The following AGAP9 variants were observed in gnomAD, a reference collection of about 807,000 sequenced individuals.
AGAP9 encodes the protein ArfGAP with GTPase domain, ankyrin repeat and PH domain 9.
A neutral mutation model predicts 55.6 loss-of-function variants in AGAP9; 23 were observed. The observed-to-expected ratio is 0.41, with a 90% CI of 0.30 to 0.59. AGAP9 has a LOEUF of 0.59. AGAP9 is among the 20% of genes least tolerant of loss of function. The pLI, the probability that AGAP9 is intolerant of heterozygous loss-of-function variation, is 0.25. For synonymous variants in AGAP9, 120 were observed against 305.0 expected, an observed-to-expected ratio of 0.39 and a Z score of 6.32; for missense variants, 309 against 808.1, an observed-to-expected ratio of 0.38 and a Z score of 7.49.
intron 2 of AGAP9, among the ~76,000 whole-genome samples, chr10:47,521,460 A>T (rs1840834548): frequency 7.1e-6 from 1 of 140,058 alleles, no homozygotes; most frequent in East Asian, 2.8e-4. Flanking sequence ...ATGAGTCTTA[A>T]TTATCCTACC....
intron 4 of AGAP9, among the ~76,000 whole-genome samples, chr10:47,511,371 T>C (rs1416127558): frequency 7.1e-6 from 1 of 141,000 alleles, no homozygotes. Context: ...TTATTTCAGG[T>C]GATATTGTTA....
Position 47,514,113 on chromosome 10 carries a change from C to T in AGAP9, c.396+3710G>A, listed in dbSNP as rs1272784596. ...CAACCACAGAGTGGGAGGAAATCTT[C>T]GCAGTCTATACATCTGACAAAGGGC... On this transcript the variant is annotated intron_variant, in intron 4 of 7. Transcript: ENST00000452145. Among the ~76,000 whole-genome samples the T allele has an allele frequency of 5.5e-4, 77 of 140,630 alleles. 7 individuals are homozygous for T. Among genetic ancestry groups the T allele is most frequent in the African/African-American group, 1.9e-3 (74 of 38,568 alleles). The allele number at this position is 140,630 out of a possible 152,430, so 92.3% of individuals were successfully genotyped here.
intron 7 of AGAP9, among the ~76,000 whole-genome samples, 198 bp from the exon 8 acceptor site, chr10:47,503,741 T>C (rs1588946143): frequency 8.3e-6 from 1 of 120,478 alleles, no homozygotes; most frequent in Non-Finnish European, 1.7e-5. Context: ...CTGGCCAACA[T>C]GGTGAAACCC....
At chr10:47,517,208 ATTAAC>A (rs1486230124) in intron 4 of AGAP9, among the ~76,000 whole-genome samples, 2 of 101,872 alleles carry the variant, frequency 2.0e-5, no homozygotes, top group Non-Finnish European at 3.8e-5. Context: ...AGTGCTGGCA[ATTAAC>A]TTAACTATTC....
chr10:47,507,681 C>T lies in AGAP9; in HGVS notation c.498-98G>A. ...GGGCAGAGGAAACTCTCCTAGCGGC[C>T]CTGAAATTCAAATCTTCTAGTTCAG... On this transcript the variant is annotated intron_variant, in intron 5 of 7. Coordinates refer to ENST00000452145, the MANE Select transcript of AGAP9 (RefSeq NM_001190810.1). The T allele has an allele frequency of 2.9e-6, 4 of 1,376,356 alleles. 1 individual carries two copies. Among genetic ancestry groups the T allele is most frequent in the African/African-American group, 3.2e-5 (2 of 63,108 alleles). The allele number at this position is 1,376,356 out of a possible 1,614,324, so 85.3% of individuals were successfully genotyped here.
chr10:47,513,623 C>G (rs1377657927), intron 4 of AGAP9, among the ~76,000 whole-genome samples: 1 of 140,008 alleles, frequency 7.1e-6, no homozygotes, highest in Non-Finnish European at 1.6e-5. Context: ...ATGACATTAC[C>G]TGATTTCAAA....
intron 7 of AGAP9, among the ~76,000 whole-genome samples, 157 bp from the exon 8 acceptor site, chr10:47,503,700 T>G: frequency 1.7e-5 from 2 of 115,870 alleles, no homozygotes; most frequent in Non-Finnish European, 3.4e-5. Context: ...CCAAGGTGGG[T>G]GGATCACGAG....
At chr10:47,508,133 C>T (rs1291269764) in intron 5 of AGAP9, among the ~76,000 whole-genome samples, 8 of 113,610 alleles carry the variant, frequency 7.0e-5, no homozygotes, top group Non-Finnish European at 1.4e-4. Flanking sequence ...GGTGTGATCT[C>T]GGCTCACCAC....
chr10:47,514,559 C>G (rs1840694147), intron 4 of AGAP9, among the ~76,000 whole-genome samples: 1 of 91,098 alleles, frequency 1.1e-5, no homozygotes. Flanking sequence ...CAAATCATCA[C>G]TAAAGAACTT....
At chr10:47,518,745 C>G (rs1441627471) in intron 3 of AGAP9, among the ~76,000 whole-genome samples, 2 of 133,574 alleles carry the variant, frequency 1.5e-5, no homozygotes, top group African/African-American at 2.9e-5. Flanking sequence ...GTATACAAAC[C>G]TAATTGGACA....
chr10:47,510,932 A>ATTAC (rs1840604890), intron 4 of AGAP9, among the ~76,000 whole-genome samples: 1 of 132,708 alleles, frequency 7.5e-6, no homozygotes, highest in South Asian at 2.4e-4. Flanking sequence ...TAATTAATTA[A>ATTAC]TTAATTTATT....
At chr10:47,516,087 A>C (rs1351557175) in intron 4 of AGAP9, among the ~76,000 whole-genome samples, 2 of 114,496 alleles carry the variant, frequency 1.7e-5, no homozygotes, top group African/African-American at 6.9e-5. Context: ...CAGAACTAGA[A>C]TAAAAAGACA....
At chr10:47,519,426 C>T (rs1840778728) in intron 3 of AGAP9, among the ~76,000 whole-genome samples, 1 of 122,590 alleles carries the variant, frequency 8.2e-6, no homozygotes, top group Non-Finnish European at 1.7e-5. Context: ...CAAGATTGTG[C>T]CATTGCACTC....
chr10:47,521,826 C>G (rs3006324), intron 2 of AGAP9, among the ~76,000 whole-genome samples: 1,483 of 142,176 alleles, frequency 0.01, no homozygotes, highest in East Asian at 0.073. Flanking sequence ...TGTCACCCAG[C>G]CTGGAGTGCA....
At position 47,503,419 on chromosome 10, in the gene AGAP9, G is replaced by A. The variant is rs1555224904; in HGVS notation, c.710C>T (p.Ala237Val). ...CTTGCAAACGGGGGTGGGTGTGTTG[G>A]CAGTGGGAGGAACACTGAACTGAGG... ...EDPQFSVPPT[A>V]NTPTPVCKRS... Residue 237 changes from alanine to valine, a missense_variant, in exon 8 of 8, where the codon GCC becomes GTC. Physicochemically the swap from Ala to Val is moderately conservative, Grantham distance 64. Coordinates refer to ENST00000452145, the MANE Select transcript of AGAP9 (RefSeq NM_001190810.1). The A allele has an allele frequency of 6.2e-7, 1 of 1,610,114 alleles. No homozygotes were observed. Among genetic ancestry groups the A allele is most frequent in the South Asian group, 1.1e-5 (1 of 90,936 alleles).
At chr10:47,521,815 C>T (rs1189010324) in intron 2 of AGAP9, among the ~76,000 whole-genome samples, 1 of 151,206 alleles carries the variant, frequency 6.6e-6, no homozygotes, top group Non-Finnish European at 1.5e-5. Flanking sequence ...GAGTCTCGCT[C>T]TGTCACCCAG....
Position 47,510,407 on chromosome 10 carries a change from G to C in AGAP9, c.397-136C>G, listed in dbSNP as rs1840582636. The C allele has an allele frequency of 4.4e-6, 6 of 1,365,024 alleles. 1 individual carries two copies. Among genetic ancestry groups the C allele is most frequent in the Non-Finnish European group, 4.9e-6 (5 of 1,024,034 alleles). The allele number at this position is 1,365,024 out of a possible 1,614,324, so 84.6% of individuals were successfully genotyped here. A position where few individuals can be genotyped will look rare whatever the true frequency, so the allele number is the denominator to read the frequency against. On this transcript the variant is annotated intron_variant, in intron 4 of 7. Transcript: ENST00000452145. ...AGTGTGGTATCATGTGCAATCTATA[G>C]AAAACCCATTGGAGGCTCTCAACTT...
chr10:47,521,535 T>TA (rs1237267396), intron 2 of AGAP9, among the ~76,000 whole-genome samples: 1 of 140,878 alleles, frequency 7.1e-6, no homozygotes, highest in Non-Finnish European at 1.5e-5. Context: ...TCCTCTAGAG[T>TA]AATGAAATCT....
chr10:47,516,640 T>C (rs1284302745), intron 4 of AGAP9, among the ~76,000 whole-genome samples: 30 of 136,090 alleles, frequency 2.2e-4, no homozygotes, highest in African/African-American at 4.9e-4. Flanking sequence ...AAGCAGACAT[T>C]GAGCATATCT....
Sources: allele counts gnomAD v4.1 joint callset (sites outside exome capture counted in the v4.1 genomes callset), GRCh38; gene constraint gnomAD v4.1.1; transcripts MANE v1.5; gene names NCBI Gene and HGNC (gene_info 2026-07-23, HGNC 2026-07-21).